Variants in MICU1 observed in about 807,000 individuals in gnomAD.
MICU1 encodes the protein mitochondrial calcium uptake 1.
Under a neutral mutation model 56.8 loss-of-function variants are expected in MICU1, and 45 were observed. That is an observed-to-expected ratio of 0.79 (90% CI 0.62 to 1.02). The LOEUF is 1.02. MICU1 is among the 50% of genes least tolerant of loss of function. The probability of loss-of-function intolerance (pLI) is 0.00; values close to 1 mark genes in which losing one functional copy is unlikely to be tolerated. For missense variants in MICU1, 504 were observed against 587.1 expected (o/e 0.86, Z 1.46); for synonymous variants, 186 against 195.1 (o/e 0.95, Z 0.39).
In MICU1 at chr10:72,462,219, C is replaced by CT. The variant is rs1187394084; in HGVS notation, c.933+12880dup. On this transcript the variant is annotated intron_variant, in intron 8 of 11. Transcript: ENST00000361114. ...GTATTAAATGTATTTCTTTTCTTTT[C>CT]TTTTTTTTTTTTTTTGAGCCAGGGT... Among the ~76,000 whole-genome samples, 1,271 of 138,840 alleles carry CT rather than the reference C, an allele frequency of 9.2e-3. 11 individuals are homozygous for CT. Among genetic ancestry groups the CT allele is most frequent in the African/African-American group, 0.024 (909 of 38,232 alleles). The allele number at this position is 138,840 out of a possible 152,430, so 91.1% of individuals were successfully genotyped here.
intron 1 of MICU1, among the ~76,000 whole-genome samples, chr10:72,595,326 C>A (rs1422833624): frequency 1.3e-5 from 2 of 151,644 alleles, no homozygotes; most frequent in Non-Finnish European, 2.9e-5. Context: ...GTGGCACATG[C>A]CCGAAGTCCC....
At chr10:72,515,175 G>A (rs1867608210) in intron 5 of MICU1, among the ~76,000 whole-genome samples, 2 of 152,166 alleles carry the variant, frequency 1.3e-5, no homozygotes, top group African/African-American at 4.8e-5. Flanking sequence ...CCATTGCACT[G>A]GGGACTTGGG....
At chr10:72,484,834 C>A (rs1318929078) in intron 6 of MICU1, among the ~76,000 whole-genome samples, 1 of 152,266 alleles carries the variant, frequency 6.6e-6, no homozygotes, top group Middle Eastern at 3.4e-3. Flanking sequence ...CTCAGACATG[C>A]AAGGACTTTG....
chr10:72,439,174 C>T (rs1864835912), intron 8 of MICU1, among the ~76,000 whole-genome samples: 1 of 152,156 alleles, frequency 6.6e-6, no homozygotes, highest in Admixed American at 6.6e-5. Context: ...AAACCAAATC[C>T]AGTAGCACAT....
At chr10:72,467,747 T>A (rs1865836484) in intron 8 of MICU1, 1 of 152,244 alleles carries the variant, frequency 6.6e-6, no homozygotes, top group South Asian at 2.1e-4. Context: ...ATAAATCAGT[T>A]ACTGTTATCC....
intron 1 of MICU1, among the ~76,000 whole-genome samples, chr10:72,570,088 GA>G (rs1840570293): frequency 1.3e-5 from 2 of 152,116 alleles, no homozygotes; most frequent in South Asian, 4.1e-4. Flanking sequence ...TGGGATTACA[GA>G]AGTGTGCTAC....
chr10:72,581,927 T>C (rs1350269746), intron 1 of MICU1, among the ~76,000 whole-genome samples: 1 of 152,082 alleles, frequency 6.6e-6, no homozygotes, highest in Non-Finnish European at 1.5e-5. Context: ...AGTGTTTTTG[T>C]TTTTTGGTTT....
At chr10:72,620,680 T>C (rs1842083191) in intron 1 of MICU1, among the ~76,000 whole-genome samples, 1 of 152,176 alleles carries the variant, frequency 6.6e-6, no homozygotes, top group Non-Finnish European at 1.5e-5. Context: ...GATCACCCTG[T>C]TAGTTTGGGG....
intron 10 of MICU1, chr10:72,379,516 C>A (rs1434783248): frequency 7.5e-6 from 3 of 401,490 alleles, no homozygotes; most frequent in East Asian, 8.3e-5. Context: ...TCTCTCAGGG[C>A]ACAGCCTTCT....
chr10:72,449,280 C>T (rs1865220339), intron 8 of MICU1, among the ~76,000 whole-genome samples: 1 of 152,150 alleles, frequency 6.6e-6, no homozygotes, highest in African/African-American at 2.4e-5. Flanking sequence ...TGCCTGTAAT[C>T]CCAGCCACTC....
chr10:72,531,162 G>T (rs1189285836), intron 5 of MICU1, among the ~76,000 whole-genome samples: 1 of 151,748 alleles, frequency 6.6e-6, no homozygotes, highest in Non-Finnish European at 1.5e-5. Flanking sequence ...CTTTCTCTAA[G>T]ATTTAATAGT....
chr10:72,464,139 T>C (rs1051905509), intron 8 of MICU1, among the ~76,000 whole-genome samples: 1 of 151,726 alleles, frequency 6.6e-6, no homozygotes, highest in Non-Finnish European at 1.5e-5. Context: ...CTACTAAAAA[T>C]ACAAAAATTA....
intron 2 of MICU1, among the ~76,000 whole-genome samples, chr10:72,563,721 C>T (rs897508416): frequency 3.9e-5 from 6 of 152,258 alleles, no homozygotes; most frequent in Non-Finnish European, 5.9e-5. Context: ...GTGACAGAAG[C>T]CCTCATCCAC....
At chr10:72,403,670 T>TGTGTGTGTGTGTG (rs1554862082) in intron 10 of MICU1, among the ~76,000 whole-genome samples, 3 of 149,588 alleles carry the variant, frequency 2.0e-5, no homozygotes, top group African/African-American at 2.5e-5. Flanking sequence ...TGTGTGTGTG[T>TGTGTGTGTGTGTG]TTTGAGACGG....
intron 4 of MICU1, among the ~76,000 whole-genome samples, chr10:72,550,763 T>C (rs2132442888): frequency 6.6e-6 from 1 of 152,354 alleles, no homozygotes; most frequent in South Asian, 2.1e-4. Flanking sequence ...CTGTATTCCT[T>C]TTCATTCAAC....
intron 6 of MICU1, chr10:72,501,754 G>A (rs1408952508): frequency 6.6e-6 from 1 of 152,170 alleles, no homozygotes. Flanking sequence ...ATCACATACA[G>A]AGAAGAGTAA....
chr10:72,413,149 A>T (rs1863877906), intron 9 of MICU1, among the ~76,000 whole-genome samples: 1 of 152,156 alleles, frequency 6.6e-6, no homozygotes, highest in Non-Finnish European at 1.5e-5. Context: ...GTGAGCCGAG[A>T]TCGTGCCACT....
intron 6 of MICU1, among the ~76,000 whole-genome samples, chr10:72,492,821 A>ATAAAATAAAG (rs377005427): frequency 1.1e-3 from 166 of 150,068 alleles, no homozygotes; most frequent in African/African-American, 3.9e-3. Context: ...ATAAAATAAA[A>ATAAAATAAAG]TAAAATGTAT....
intron 8 of MICU1, among the ~76,000 whole-genome samples, chr10:72,429,338 T>A (rs1189783806): frequency 6.8e-6 from 1 of 147,204 alleles, no homozygotes; most frequent in East Asian, 2.0e-4. Flanking sequence ...GGGAATCAGT[T>A]GAACCTGGGA....
Sources: allele counts gnomAD v4.1 joint callset (sites outside exome capture counted in the v4.1 genomes callset), GRCh38; gene constraint gnomAD v4.1.1; transcripts MANE v1.5; gene names NCBI Gene and HGNC (gene_info 2026-07-23, HGNC 2026-07-21).